ATP6V0A4: variants seen among roughly 807,000 people sequenced by gnomAD.
ATP6V0A4 encodes the protein V-type proton ATPase 116 kDa subunit a 4.
In ATP6V0A4, 86 loss-of-function variants were observed where a neutral mutation model predicts 107.3. That is an observed-to-expected ratio of 0.80 (90% CI 0.67 to 0.96). The LOEUF (loss-of-function observed/expected upper bound fraction) is 0.96. Ranked by LOEUF, ATP6V0A4 falls within the 40% of genes least tolerant of loss-of-function variation. The pLI is 0.00. For synonymous variants in ATP6V0A4, 353 were observed against 381.4 expected (o/e 0.93, Z 0.87); for missense variants, 908 against 1,045.6 (o/e 0.87, Z 1.81).
At chr7:138,714,567 C>T (rs1803935936) in intron 20 of ATP6V0A4, among the ~76,000 whole-genome samples, 1 of 151,878 alleles carries the variant, frequency 6.6e-6, no homozygotes, top group South Asian at 2.2e-4. Context: ...GATAGACAGA[C>T]AGACAGACAG....
intron 15 of ATP6V0A4, among the ~76,000 whole-genome samples, chr7:138,736,926 C>T (rs959275866): frequency 4.0e-5 from 6 of 151,568 alleles, no homozygotes; most frequent in African/African-American, 1.5e-4. Context: ...GAGATGTTAA[C>T]GTGCTCAAAC....
chr7:138,722,198 C>T (rs1804456372), intron 18 of ATP6V0A4, 173 bp from the exon 19 acceptor site: 1 of 653,668 alleles, frequency 1.5e-6, no homozygotes, highest in Non-Finnish European at 1.9e-6. Context: ...GCACAATTAT[C>T]ACCCTATTTT....
rs1562972851 is a variant in ATP6V0A4, at chr7:138,707,338, T to TA, written c.2430-622dup. On this transcript the variant is annotated intron_variant, in intron 21 of 21. Coordinates refer to ENST00000310018, the MANE Select transcript of ATP6V0A4 (RefSeq NM_020632.3). The stretch of plus-strand genomic sequence containing the variant: ...TTTATATTTATATTTATATTTATAA[T>TA]ATATATATTATAATATATATTATAT... Among the ~76,000 whole-genome samples, 14 of 109,012 alleles carry TA rather than the reference T, an allele frequency of 1.3e-4. No individual in the cohort carries two copies. In the East Asian group the frequency reaches 1.3e-3, roughly 10 times the overall value. 71.5% of individuals were successfully genotyped at this position (109,012 alleles called of 152,430 possible). A position where few individuals can be genotyped will look rare whatever the true frequency, so the allele number is the denominator to read the frequency against.
intron 1 of ATP6V0A4, among the ~76,000 whole-genome samples, chr7:138,788,767 C>T (rs1226670660): frequency 6.6e-6 from 1 of 152,168 alleles, no homozygotes; most frequent in Admixed American, 6.6e-5. Context: ...AAATGAGTCT[C>T]ACAAGATCTG....
chr7:138,738,956 A>G (rs1313382530), intron 15 of ATP6V0A4, among the ~76,000 whole-genome samples: 1 of 152,200 alleles, frequency 6.6e-6, no homozygotes, highest in Non-Finnish European at 1.5e-5. Flanking sequence ...ACAGCTTTAC[A>G]TGAACGGGCA....
Position 138,734,164 on chromosome 7 carries a change from C to G in ATP6V0A4, c.1663G>C (p.Gly555Arg). 1 of 1,613,082 alleles carries G rather than the reference C, an allele frequency of 6.2e-7. No homozygotes were observed. Among genetic ancestry groups the G allele is most frequent in the Non-Finnish European group, 8.5e-7 (1 of 1,179,264 alleles). ...VILGIVQMVF[G>R]VILSLFNHIY... ...TGATTGAAAAGGCTGAGGATGACACCGAAAACCATCTGGACAATTCCCAGG... is the reference window on the plus strand; with the variant it reads ...TGATTGAAAAGGCTGAGGATGACACGGAAAACCATCTGGACAATTCCCAGG... Residue 555 changes from glycine (G) to arginine (R), a missense_variant, in exon 16 of 22, where the codon GGT becomes CGT. Transcript: ENST00000310018.
chr7:138,709,869 T>A (rs1387019819), intron 20 of ATP6V0A4, 74 bp from the exon 21 acceptor site: 1 of 1,461,132 alleles, frequency 6.8e-7, no homozygotes, highest in East Asian at 2.7e-5. Flanking sequence ...CTCATCTTTT[T>A]AATTAAAAAT....
At position 138,746,629 on chromosome 7, in the gene ATP6V0A4, G is replaced by T. The variant is rs370388976; in HGVS notation, c.1320+796C>A. Among the ~76,000 whole-genome samples the T allele has an allele frequency of 3.9e-5, 6 of 151,916 alleles. No individual in the cohort carries two copies. In the South Asian group the frequency reaches 1.2e-3, roughly 32 times the overall value. On this transcript the variant is annotated intron_variant, in intron 13 of 21. Transcript: ENST00000310018. ...AGTAATTCTCCAGCCTCAGCCTCCC[G>T]AGTAGCTGGGACTACAGGTGCCCAC...
In ATP6V0A4 at chr7:138,759,394, T is replaced by C. The variant is rs1254061247; in HGVS notation, c.639+358A>G. The stretch of plus-strand genomic sequence containing the variant: ...TAACAAGATCCCCGGGTGACCTCTA[T>C]GCTCGCGTGCACATTGAAGCTTGAG... On this transcript the variant is annotated intron_variant, in intron 8 of 21. Coordinates refer to ENST00000310018, the MANE Select transcript of ATP6V0A4 (RefSeq NM_020632.3). Among the ~76,000 whole-genome samples the C allele has an allele frequency of 2.6e-5, 4 of 152,084 alleles. No homozygotes were observed. The South Asian group carries it at 8.3e-4, about 31-fold the overall frequency.
chr7:138,769,110 C>G, intron 4 of ATP6V0A4, 63 bp downstream of exon 4: 2 of 1,596,356 alleles, frequency 1.3e-6, no homozygotes, highest in Non-Finnish European at 1.7e-6. Flanking sequence ...GTCCTGCAAA[C>G]TATTAACCCC....
chr7:138,797,958 T>C, intron 1 of ATP6V0A4, 76 bp downstream of exon 1: 1 of 1,539,474 alleles, frequency 6.5e-7, no homozygotes, highest in Non-Finnish European at 8.7e-7. Context: ...CCCCATGGTG[T>C]TTCCCCCAAA....
chr7:138,743,870 C>T (rs569134009), intron 14 of ATP6V0A4, among the ~76,000 whole-genome samples: 1 of 152,260 alleles, frequency 6.6e-6, no homozygotes, highest in Admixed American at 6.5e-5. Flanking sequence ...TAAGATCACC[C>T]CCAAAATCAA....
intron 4 of ATP6V0A4, 42 bp from the exon 5 acceptor site, chr7:138,768,916 T>A (rs769851680): frequency 2.5e-6 from 4 of 1,612,038 alleles, no homozygotes; most frequent in Non-Finnish European, 2.5e-6. Flanking sequence ...GGTGATTGTG[T>A]TTTCTCATAA....
At chr7:138,797,208 CTTTTTTTTTT>C (rs3842142) in intron 1 of ATP6V0A4, among the ~76,000 whole-genome samples, 2 of 96,112 alleles carry the variant, frequency 2.1e-5, no homozygotes, top group Non-Finnish European at 4.1e-5. Flanking sequence ...ATGCCATTTT[CTTTTTTTTTT>C]TTTTTTTTTT....
At position 138,777,539 on chromosome 7, in the gene ATP6V0A4, C is replaced by T. The variant is rs374908147; in HGVS notation, c.-17-6275G>A. ...GCTGAGGCAGGAGAATAGCTGAACC[C>T]GGAAGGAGGAGGTTGTGGAGAGCCA... On this transcript the variant is annotated intron_variant, in intron 2 of 21. Transcript: ENST00000310018. Among the ~76,000 whole-genome samples the T allele has an allele frequency of 1.0e-4, 15 of 150,638 alleles. No homozygotes were observed. In the East Asian group the frequency reaches 2.0e-3, roughly 20 times the overall value.
intron 2 of ATP6V0A4, 22 bp from the exon 3 acceptor site, chr7:138,771,286 A>T (rs1246424795): frequency 6.2e-7 from 1 of 1,610,566 alleles, no homozygotes. Flanking sequence ...AAAGAAAAAG[A>T]TATTAATATT....
intron 5 of ATP6V0A4, among the ~76,000 whole-genome samples, chr7:138,766,365 G>A (rs908520875): frequency 2.0e-5 from 3 of 151,822 alleles, no homozygotes; most frequent in African/African-American, 7.3e-5. Context: ...ACCCACGCCT[G>A]GCTAATATTT....
chr7:138,707,334 A>G (rs1159970172), intron 21 of ATP6V0A4, among the ~76,000 whole-genome samples: 2 of 107,200 alleles, frequency 1.9e-5, no homozygotes, highest in African/African-American at 7.4e-5. Context: ...ATTTATATTT[A>G]TAATATATAT....
rs1290206072 is a variant in ATP6V0A4, at chr7:138,707,187, TTA to T, written c.2430-472_2430-471del. Among the ~76,000 whole-genome samples, 18 of 55,400 alleles carry T rather than the reference TTA, an allele frequency of 3.2e-4. 1 individual carries two copies. The highest frequency in any genetic ancestry group is 0.01 in the Middle Eastern group (1 of 100). 36.3% of individuals were successfully genotyped at this position (55,400 alleles called of 152,430 possible). A position where few individuals can be genotyped will look rare whatever the true frequency, so the allele number is the denominator to read the frequency against. The stretch of plus-strand genomic sequence containing the variant: ...TATATTATATATATTATATAATATA[TTA>T]TATATATTATATAATATATTATATT... On this transcript the variant is annotated intron_variant, in intron 21 of 21. Transcript: ENST00000310018.
Sources: gnomAD v4.1 joint callset for allele counts (sites outside exome capture counted in the v4.1 genomes callset) on GRCh38, gnomAD v4.1.1 for gene constraint, MANE v1.5 for transcripts, NCBI Gene and HGNC (gene_info 2026-07-23, HGNC 2026-07-21) for gene names.